Variants in IL7 observed in about 807,000 individuals in gnomAD.
IL7 encodes the protein interleukin-7.
A neutral mutation model predicts 21.6 loss-of-function variants in IL7; 3 were observed. The ratio of observed to expected loss-of-function variants is 0.14; its 90% confidence interval spans 0.06 to 0.36. IL7 has a LOEUF of 0.36. Among genes scored for constraint, IL7 ranks in the 10% least tolerant of loss-of-function variants. The pLI is 1.00. For missense variants in IL7, 175 were observed against 200.2 expected (o/e 0.87, Z 0.76); for synonymous variants, 62 against 68.1 (o/e 0.91, Z 0.44).
chr8:78,717,263 C>T (rs767401870), downstream of IL7: 108 of 1,417,246 alleles, frequency 7.6e-5, no homozygotes, highest in Non-Finnish European at 9.5e-5. Context: ...CCTGTTTCTC[C>T]AGGGTTATGG....
intron 3 of IL7, among the ~76,000 whole-genome samples, chr8:78,702,546 G>A (rs771347358): frequency 3.3e-5 from 5 of 151,934 alleles, no homozygotes; most frequent in Non-Finnish European, 5.9e-5. Flanking sequence ...TCTTTTAGTT[G>A]TGATCTTTGG....
At chr8:78,787,301 T>A (rs1376082199) in intron 2 of IL7, among the ~76,000 whole-genome samples, 1 of 152,042 alleles carries the variant, frequency 6.6e-6, no homozygotes, top group African/African-American at 2.4e-5. Flanking sequence ...GAAGACAGCC[T>A]CAACCTGTGC....
chr8:78,746,337 A>T (rs1338997147), intron 2 of IL7, among the ~76,000 whole-genome samples: 2 of 152,186 alleles, frequency 1.3e-5, no homozygotes. Context: ...GGATTAGAGG[A>T]TCTATTCCCA....
chr8:78,715,150 G>T, downstream of IL7: 1 of 1,327,404 alleles, frequency 7.5e-7, no homozygotes. Context: ...TTCTAGTCAT[G>T]TGAATAGGTA....
At chr8:78,793,665 T>C (rs1813766990) in intron 2 of IL7, among the ~76,000 whole-genome samples, 2 of 152,102 alleles carry the variant, frequency 1.3e-5, no homozygotes, top group African/African-American at 2.4e-5. Context: ...TGGGTGGCTG[T>C]AGTAATTTTT....
intron 2 of IL7, among the ~76,000 whole-genome samples, chr8:78,789,942 A>C (rs570765965): frequency 1.3e-4 from 20 of 152,282 alleles, no homozygotes; most frequent in African/African-American, 4.6e-4. Context: ...GAGGTGCCAT[A>C]GTACATCTGG....
chr8:78,685,479 T>A lies in IL7; in HGVS notation n.273+410A>T, dbSNP rs184555193. On this transcript the variant is annotated intron_variant and non_coding_transcript_variant, in intron 4 of 4. Coordinates refer to the IL7 transcript ENST00000523959. ...ACTGTAATTAAAACATAATTATGCA[T>A]AGTAAAAGACTACCCAAAGACAAGG... 2.0e-5 allele frequency among the ~76,000 whole-genome samples: 3 copies of A among 152,276 alleles called. No individual in the cohort carries two copies. The East Asian group carries it at 5.8e-4, about 29-fold the overall frequency.
Position 78,740,017 on chromosome 8 carries a change from G to T in IL7, c.213C>A (p.Ile71=). ...NNEFNFFKRH[I]CDANKEGMFL... ...TTATCATTACCTTATTAGCATCACA[G>T]ATATGTCTTTTAAAAAAGTTAAATT... Residue 71 remains isoleucine, a synonymous_variant, in exon 3 of 6, where the codon ATC becomes ATA. Transcript: ENST00000263851. 6.5e-7 allele frequency: 1 copy of T among 1,538,922 alleles called. No homozygotes were observed. Among genetic ancestry groups the T allele is most frequent in the African/African-American group, 1.4e-5 (1 of 70,662 alleles).
chr8:78,778,181 G>C (rs1813197070), intron 2 of IL7, among the ~76,000 whole-genome samples: 1 of 152,008 alleles, frequency 6.6e-6, no homozygotes, highest in African/African-American at 2.4e-5. Flanking sequence ...TTTTATACCT[G>C]TGCTCATTAT....
At chr8:78,795,277 A>T (rs1280685466) in intron 2 of IL7, among the ~76,000 whole-genome samples, 1 of 152,082 alleles carries the variant, frequency 6.6e-6, no homozygotes, top group Admixed American at 6.6e-5. Flanking sequence ...TGAGTAACTA[A>T]ATCTGCTCTA....
intron 2 of IL7, among the ~76,000 whole-genome samples, chr8:78,793,291 G>A (rs1009774205): frequency 7.9e-5 from 12 of 152,062 alleles, no homozygotes; most frequent in Non-Finnish European, 1.6e-4. Context: ...TTTTGGCAAT[G>A]ATGAAAATAT....
At chr8:78,717,400 C>T, downstream of IL7, 1 of 1,613,300 alleles carries the variant, frequency 6.2e-7, no homozygotes, top group Non-Finnish European at 8.5e-7. Context: ...CACCTGGAAA[C>T]TTACCAAAAT....
chr8:78,697,527 A>G (rs201338405), intron 3 of IL7: 3 of 1,589,304 alleles, frequency 1.9e-6, no homozygotes, highest in South Asian at 2.3e-5. Flanking sequence ...CCGAAAAGCA[A>G]CTTGATTTGT....
At chr8:78,732,552 C>G (rs982110186), downstream of IL7, among the ~76,000 whole-genome samples, 1 of 152,134 alleles carries the variant, frequency 6.6e-6, no homozygotes, top group Non-Finnish European at 1.5e-5. Flanking sequence ...AATAGTGTTT[C>G]CATTTCCCTT....
chr8:78,712,145 A>G (rs1355717546), intron 3 of IL7: 5 of 1,171,396 alleles, frequency 4.3e-6, no homozygotes, highest in Non-Finnish European at 5.6e-6. Flanking sequence ...TATTTTTCAG[A>G]TATTTCCTTA....
chr8:78,760,804 A>G, intron 2 of IL7: 1 of 1,535,758 alleles, frequency 6.5e-7, no homozygotes. Context: ...TGGTTGCCAA[A>G]TTTGTGGCTT....
chr8:78,735,276 C>CTTTTTTTTTTTTTTTTTTTTTTTTTTTTT, intron 5 of IL7, among the ~76,000 whole-genome samples: 70 of 78,442 alleles, frequency 8.9e-4, no homozygotes, highest in African/African-American at 1.5e-3. Context: ...CTTTTCTTTT[C>CTTTTTTTTTTTTTTTTTTTTTTTTTTTTT]TTTTTTTTTT....
At chr8:78,696,497 T>C (rs1415926366) in intron 3 of IL7, among the ~76,000 whole-genome samples, 1 of 152,206 alleles carries the variant, frequency 6.6e-6, no homozygotes, top group Non-Finnish European at 1.5e-5. Flanking sequence ...CCTGGGCAAG[T>C]TCATTTCTTG....
intron 3 of IL7, among the ~76,000 whole-genome samples, chr8:78,699,914 G>C (rs996267514): frequency 6.6e-6 from 1 of 152,006 alleles, no homozygotes; most frequent in African/African-American, 2.4e-5. Context: ...ATTATGAATA[G>C]TGCTGCAGTG....
Sources: gnomAD v4.1 joint callset for allele counts (sites outside exome capture counted in the v4.1 genomes callset) on GRCh38, gnomAD v4.1.1 for gene constraint, MANE v1.5 for transcripts, NCBI Gene and HGNC (gene_info 2026-07-23, HGNC 2026-07-21) for gene names.